VPS13D: variants seen among roughly 807,000 people sequenced by gnomAD.
VPS13D encodes the protein intermembrane lipid transfer protein VPS13D.
A neutral mutation model predicts 461.9 loss-of-function variants in VPS13D; 187 were observed. The observed-to-expected ratio is 0.40, with a 90% CI of 0.36 to 0.46. The LOEUF (loss-of-function observed/expected upper bound fraction) is 0.46, where lower values mean the gene tolerates loss of function less well. Among genes scored for constraint, VPS13D ranks in the 20% least tolerant of loss-of-function variants. The pLI is 0.60. For synonymous variants in VPS13D, 1,951 were observed against 1,986.3 expected (o/e 0.98, Z 0.47); for missense variants, 4,711 against 5,364.9 (o/e 0.88, Z 3.81).
intron 65 of VPS13D, among the ~76,000 whole-genome samples, chr1:12,433,931 T>TGAGAGAGAGAGAGA (rs374176072): frequency 6.3e-5 from 8 of 126,462 alleles, no homozygotes; most frequent in African/African-American, 1.8e-4. Flanking sequence ...AGAGAGAGAG[T>TGAGAGAGAGAGAGA]GAGAGAGAGA....
intron 41 of VPS13D, 33 bp from the exon 42 acceptor site, chr1:12,342,866 G>A: frequency 6.3e-7 from 1 of 1,590,294 alleles, no homozygotes; most frequent in African/African-American, 1.3e-5. Flanking sequence ...GGAAGAAACA[G>A]GGACAGGCTG....
intron 2 of VPS13D, among the ~76,000 whole-genome samples, chr1:12,236,237 A>G (rs1469852544): frequency 6.6e-6 from 1 of 152,176 alleles, no homozygotes; most frequent in Non-Finnish European, 1.5e-5. Context: ...TCCAAAGCAC[A>G]TCACAGAGCG....
chr1:12,382,625 C>G (rs1644298369), intron 57 of VPS13D, among the ~76,000 whole-genome samples: 2 of 151,942 alleles, frequency 1.3e-5, no homozygotes, highest in African/African-American at 4.8e-5. Context: ...TTAAGCAAAC[C>G]CTAGTAAGAA....
At chr1:12,413,752 A>G (rs1259077372) in intron 63 of VPS13D, among the ~76,000 whole-genome samples, 1 of 151,138 alleles carries the variant, frequency 6.6e-6, no homozygotes, top group Non-Finnish European at 1.5e-5. Context: ...GATTACAGGC[A>G]TGAGCCACCA....
intron 67 of VPS13D, among the ~76,000 whole-genome samples, chr1:12,479,894 A>G (rs1481282780): frequency 6.6e-6 from 1 of 152,204 alleles, no homozygotes; most frequent in Non-Finnish European, 1.5e-5. Flanking sequence ...AATGAAGGGT[A>G]TGTATTGAAT....
chr1:12,464,148 A>G (rs1250339463), intron 67 of VPS13D, among the ~76,000 whole-genome samples: 1 of 152,222 alleles, frequency 6.6e-6, no homozygotes. Context: ...GAAGTGAGTT[A>G]TAACCATCTC....
At chr1:12,393,422 G>T (rs1038120213) in intron 60 of VPS13D, among the ~76,000 whole-genome samples, 2 of 152,216 alleles carry the variant, frequency 1.3e-5, no homozygotes, top group Non-Finnish European at 2.9e-5. Flanking sequence ...GGAGAAAAAG[G>T]CATTTGCCAA....
chr1:12,285,541 C>CA (rs764165081), intron 21 of VPS13D, among the ~76,000 whole-genome samples: 8 of 152,134 alleles, frequency 5.3e-5, no homozygotes, highest in Non-Finnish European at 7.4e-5. Context: ...CTGCCTGCCT[C>CA]AGTCTCCCAA....
chr1:12,332,052 G>A (rs960274081), intron 37 of VPS13D, among the ~76,000 whole-genome samples: 1 of 152,224 alleles, frequency 6.6e-6, no homozygotes, highest in Non-Finnish European at 1.5e-5. Context: ...CAAAAATTAA[G>A]TGGGACACTA....
chr1:12,251,453 G>A (rs777314019), intron 6 of VPS13D, among the ~76,000 whole-genome samples: 1 of 152,160 alleles, frequency 6.6e-6, no homozygotes, highest in Non-Finnish European at 1.5e-5. Flanking sequence ...GTGATCTCCA[G>A]GATCTTTCCA....
rs367827243 is a variant in VPS13D at position 12,330,667 on chromosome 1, A to G, written c.8287+749A>G. Among the ~76,000 whole-genome samples, 57 of 152,072 alleles carry G rather than the reference A, an allele frequency of 3.7e-4. No individual in the cohort carries two copies. In the East Asian group the frequency reaches 9.8e-3, roughly 26 times the overall value. On this transcript the variant is annotated intron_variant, in intron 37 of 69. Transcript: ENST00000620676. Reference sequence around the variant, plus strand: ...ACTGCAACTTCTGCCTCCAAGTTCAAGTGATTCCCCTGCCTCAGCCTCCCG... The same window carrying G: ...ACTGCAACTTCTGCCTCCAAGTTCAGGTGATTCCCCTGCCTCAGCCTCCCG...
rs113179323 is a variant in VPS13D at position 12,502,641 on chromosome 1, GAAA to G, written c.12795-4200_12795-4198del. ...TCAGGTATATAAATGAGTTAATATC[GAAA>G]AAAAAAAAAAAGAGCAGGAGGAAAA... On this transcript the variant is annotated intron_variant, in intron 68 of 69. Transcript: ENST00000620676. The surrounding 1 kb of genome is among the most constrained non-coding windows in gnomAD (Gnocchi z 4.3). Among the ~76,000 whole-genome samples, 1 of 133,886 alleles carries G rather than the reference GAAA, an allele frequency of 7.5e-6. No individual in the cohort carries two copies. The highest frequency in any genetic ancestry group is 1.6e-5 in the Non-Finnish European group (1 of 60,980). The allele number at this position is 133,886 out of a possible 152,430, so 87.8% of individuals were successfully genotyped here.
In VPS13D at chr1:12,378,465, G is replaced by C; in HGVS notation, c.10955G>C (p.Gly3652Ala). The change falls in exon 56 of 70, where the codon GGA becomes GCA. Residue 3652 changes from glycine to alanine, a missense_variant. Gly to Ala is a moderately conservative substitution (Grantham distance 60, BLOSUM62 0). Around this residue, in one of 3 missense-constraint regions of VPS13D, gnomAD observed 4,411 missense variants for 4,937.8 expected, o/e 0.89. Coordinates refer to ENST00000620676, the MANE Select transcript of VPS13D (RefSeq NM_015378.4). Reference protein sequence around the residue: ...GKRSQLWRMTGTGMLAHEGSS... With the variant: ...GKRSQLWRMTATGMLAHEGSS... ...CGTTCTCAGCTGTGGAGGATGACAG[G>C]AACAGGAATGCTGGCCCATGAGGGC... 1 of 1,611,532 alleles carries C rather than the reference G, an allele frequency of 6.2e-7. No individual in the cohort carries two copies. The highest frequency in any genetic ancestry group is 1.1e-5 in the South Asian group (1 of 90,688).
chr1:12,259,044 TC>T lies in VPS13D; in HGVS notation c.1110+942del, dbSNP rs199837188. ...TGATTTTCTTTTCTTTTCTTCTTCT[TC>T]TTTTTTTTTTTTGTGTGACAAGGTC... On this transcript the variant is annotated intron_variant, in intron 10 of 69. Coordinates refer to ENST00000620676, the MANE Select transcript of VPS13D (RefSeq NM_015378.4). 1.1e-3 allele frequency among the ~76,000 whole-genome samples: 165 copies of T among 150,082 alleles called. 2 individuals carry two copies. Among genetic ancestry groups the T allele is most frequent in the African/African-American group, 3.6e-3 (150 of 41,206 alleles).
intron 67 of VPS13D, among the ~76,000 whole-genome samples, chr1:12,481,994 C>T (rs898222464): frequency 1.3e-5 from 2 of 152,296 alleles, no homozygotes; most frequent in East Asian, 3.9e-4. Context: ...TCCTGTTCCT[C>T]GGTTAGAGGC....
intron 24 of VPS13D, among the ~76,000 whole-genome samples, chr1:12,294,586 G>A (rs1401588730): frequency 1.3e-5 from 2 of 152,084 alleles, no homozygotes; most frequent in African/African-American, 2.4e-5. Flanking sequence ...AGGCCGAGGC[G>A]GGCAGATCAC....
At position 12,299,381 on chromosome 1, in the gene VPS13D, T is replaced by C; in HGVS notation, c.6213T>C (p.Asp2071=). The change falls in exon 25 of 70, where the codon GAT becomes GAC. Residue 2071 remains aspartate, a synonymous_variant. Transcript: ENST00000620676. The surrounding 1 kb of genome is among the most constrained non-coding windows in gnomAD (Gnocchi z 4.2). ...TTCCTGGCACCTTTTCCCTACAAGATAAGGTGAGCAATCAGTATCCATTTC... is the reference window on the plus strand; with the variant it reads ...TTCCTGGCACCTTTTCCCTACAAGACAAGGTGAGCAATCAGTATCCATTTC... ...AGFPGTFSLQ[D]KESVPSASPT... 1 of 1,607,692 alleles carries C rather than the reference T, an allele frequency of 6.2e-7. No homozygotes were observed. The highest frequency in any genetic ancestry group is 1.1e-5 in the South Asian group (1 of 90,026).
intron 63 of VPS13D, among the ~76,000 whole-genome samples, chr1:12,404,679 C>T (rs1294765203): frequency 5.3e-5 from 8 of 152,094 alleles, no homozygotes; most frequent in Admixed American, 4.6e-4. Flanking sequence ...CTATGCTTCC[C>T]CATAGAACAT....
chr1:12,491,608 C>T (rs557277272), intron 67 of VPS13D, among the ~76,000 whole-genome samples: 8 of 152,112 alleles, frequency 5.3e-5, no homozygotes, highest in South Asian at 2.1e-4. Context: ...TTTGGGCCTC[C>T]GGTGTATATC....
Sources: allele counts gnomAD v4.1 joint callset (sites outside exome capture counted in the v4.1 genomes callset), GRCh38; gene constraint gnomAD v4.1.1; regional missense constraint gnomAD v4.1.1; non-coding constraint Gnocchi (gnomAD v3.1); transcripts MANE v1.5; gene names NCBI Gene and HGNC (gene_info 2026-07-23, HGNC 2026-07-21).